Variants in RNF125 observed in about 807,000 individuals in gnomAD.
RNF125 encodes the protein ring finger protein 125, also known as E3 ubiquitin-protein ligase RNF125.
A neutral mutation model predicts 26.0 loss-of-function variants in RNF125; 21 were observed. That is an observed-to-expected ratio of 0.81 (90% CI 0.57 to 1.16). The LOEUF is 1.16. Among genes scored for constraint, RNF125 ranks in the 50% most tolerant of loss-of-function variants. The pLI is 0.00. For synonymous variants in RNF125, 95 were observed against 109.2 expected, an observed-to-expected ratio of 0.87 and a Z score of 0.81; for missense variants, 270 against 299.4, an observed-to-expected ratio of 0.90 and a Z score of 0.72.
intron 1 of RNF125, 132 bp from the exon 2 acceptor site, chr18:32,036,984 G>A: frequency 1.4e-6 from 1 of 735,104 alleles, no homozygotes; most frequent in Non-Finnish European, 2.2e-6. Context: ...GGTGCAAGTG[G>A]ACCTGTAATT....
the RNF125 span, among the ~76,000 whole-genome samples, chr18:32,086,541 A>G: frequency 1.3e-5 from 2 of 149,144 alleles, no homozygotes; most frequent in Middle Eastern, 3.5e-3. Context: ...TTTTTTTAAG[A>G]TGGAGTTTTG....
chr18:32,075,164 C>T (rs2039561645), downstream of RNF125, among the ~76,000 whole-genome samples: 2 of 152,196 alleles, frequency 1.3e-5, no homozygotes, highest in Admixed American at 1.3e-4. Flanking sequence ...CTGCCCATTT[C>T]TCACCACCTC....
chr18:32,044,174 T>C (rs889740521), intron 3 of RNF125, among the ~76,000 whole-genome samples: 2 of 151,928 alleles, frequency 1.3e-5, no homozygotes, highest in African/African-American at 4.8e-5. Context: ...GCCTAGCTAA[T>C]TTTTGTGTTT....
At chr18:32,061,085 T>C (rs1049749141) in intron 4 of RNF125, among the ~76,000 whole-genome samples, 7 of 152,088 alleles carry the variant, frequency 4.6e-5, no homozygotes, top group Non-Finnish European at 7.4e-5. Flanking sequence ...AGTGCAGTGG[T>C]GCGATCTCGG....
At chr18:32,046,008 A>G (rs1180475748) in intron 4 of RNF125, among the ~76,000 whole-genome samples, 1 of 151,902 alleles carries the variant, frequency 6.6e-6, no homozygotes, top group Non-Finnish European at 1.5e-5. Context: ...CACAGTTAAG[A>G]TCTAAGTTTA....
chr18:32,035,690 A>G (rs1167421951), intron 1 of RNF125, among the ~76,000 whole-genome samples: 1 of 152,224 alleles, frequency 6.6e-6, no homozygotes, highest in African/African-American at 2.4e-5. Context: ...AAGTACAGAA[A>G]CAGGCAAAAC....
At chr18:32,055,851 T>A (rs1598822787) in intron 4 of RNF125, among the ~76,000 whole-genome samples, 1 of 151,706 alleles carries the variant, frequency 6.6e-6, no homozygotes, top group South Asian at 2.1e-4. Flanking sequence ...TGGTGGCGCA[T>A]GCCTGTAATC....
downstream of RNF125, among the ~76,000 whole-genome samples, chr18:32,077,603 C>T (rs994759010): frequency 7.2e-5 from 11 of 152,048 alleles, no homozygotes; most frequent in African/African-American, 2.4e-4. Context: ...TCAAGTGATC[C>T]GCCCACCTCG....
At chr18:32,065,232 T>C (rs2039473182) in intron 4 of RNF125, among the ~76,000 whole-genome samples, 1 of 152,116 alleles carries the variant, frequency 6.6e-6, no homozygotes, top group Admixed American at 6.6e-5. Flanking sequence ...TGTTATTGTT[T>C]GTTTTGTTTT....
chr18:32,082,777 C>T, the RNF125 span, among the ~76,000 whole-genome samples: 144 of 152,252 alleles, frequency 9.5e-4, no homozygotes, highest in Non-Finnish European at 1.5e-3. Flanking sequence ...AAACACAATT[C>T]GTATAACAGG....
chr18:32,035,201 C>G (rs1004984313), intron 1 of RNF125, among the ~76,000 whole-genome samples: 10 of 151,940 alleles, frequency 6.6e-5, no homozygotes, highest in Admixed American at 3.9e-4. Context: ...GATGCTATTG[C>G]AAGAAAAAGG....
intron 3 of RNF125, among the ~76,000 whole-genome samples, chr18:32,043,998 T>C (rs1309074210): frequency 6.6e-6 from 1 of 151,930 alleles, no homozygotes; most frequent in Non-Finnish European, 1.5e-5. Context: ...ATGGGTTTTT[T>C]TTTTTCTTTT....
chr18:32,058,269 G>A (rs1233301944), intron 4 of RNF125, among the ~76,000 whole-genome samples: 1 of 152,006 alleles, frequency 6.6e-6, no homozygotes, highest in Non-Finnish European at 1.5e-5. Flanking sequence ...CATGCAGTGT[G>A]TAATAATCAC....
chr18:32,023,275 C>T (rs575591197), intron 1 of RNF125, among the ~76,000 whole-genome samples: 4 of 152,212 alleles, frequency 2.6e-5, no homozygotes, highest in Non-Finnish European at 5.9e-5. Context: ...GCCTCAGCCA[C>T]TCTAGTAGCT....
chr18:32,021,683 G>T (rs554256621), intron 1 of RNF125, among the ~76,000 whole-genome samples: 1 of 152,044 alleles, frequency 6.6e-6, no homozygotes. Flanking sequence ...GGAACAGACC[G>T]CTTTGCTATT....
chr18:32,085,186 G>C, the RNF125 span, among the ~76,000 whole-genome samples: 2 of 152,156 alleles, frequency 1.3e-5, no homozygotes, highest in Non-Finnish European at 2.9e-5. Flanking sequence ...GGGTGGTTCA[G>C]TAGAGGATGA....
chr18:32,078,258 A>G, the RNF125 span, among the ~76,000 whole-genome samples: 3 of 152,222 alleles, frequency 2.0e-5, no homozygotes, highest in Admixed American at 2.0e-4. Context: ...CAGTAATTCT[A>G]CATCTGGAAA....
intron 4 of RNF125, among the ~76,000 whole-genome samples, chr18:32,056,095 T>C (rs1413682457): frequency 6.6e-6 from 1 of 152,032 alleles, no homozygotes; most frequent in African/African-American, 2.4e-5. Flanking sequence ...AAAGACACTT[T>C]GTTTTTAACG....
chr18:32,087,220 T>G, the RNF125 span, among the ~76,000 whole-genome samples: 1 of 151,776 alleles, frequency 6.6e-6, no homozygotes, highest in Non-Finnish European at 1.5e-5. Flanking sequence ...CAGCTTCAAG[T>G]TGCGGTTCCC....
Sources: gnomAD v4.1 joint callset for allele counts (sites outside exome capture counted in the v4.1 genomes callset) on GRCh38, gnomAD v4.1.1 for gene constraint, MANE v1.5 for transcripts, NCBI Gene and HGNC (gene_info 2026-07-23, HGNC 2026-07-21) for gene names.